The following CNTNAP4 variants were observed in gnomAD, a reference collection of about 807,000 sequenced individuals.
CNTNAP4 encodes contactin associated protein family member 4.
Under a neutral mutation model 148.4 loss-of-function variants are expected in CNTNAP4, and 98 were observed. The observed-to-expected ratio is 0.66, with a 90% CI of 0.56 to 0.78. CNTNAP4 has a LOEUF of 0.78. Among genes scored for constraint, CNTNAP4 ranks in the 30% least tolerant of loss-of-function variants. CNTNAP4 has a pLI of 0.00. For missense variants in CNTNAP4, 1,935 were observed against 1,565.6 expected (o/e 1.24, Z -3.98); for synonymous variants, 730 against 565.1 (o/e 1.29, Z -4.14).
intron 10 of CNTNAP4, among the ~76,000 whole-genome samples, chr16:76,470,418 A>G (rs1364816989): frequency 1.3e-5 from 2 of 149,752 alleles, no homozygotes; most frequent in Non-Finnish European, 2.9e-5. Context: ...AGACGGGTGG[A>G]TCACCTGAGG....
intron 10 of CNTNAP4, among the ~76,000 whole-genome samples, chr16:76,475,392 T>A (rs1471202927): frequency 6.6e-6 from 1 of 152,212 alleles, no homozygotes; most frequent in Non-Finnish European, 1.5e-5. Context: ...GATATTTCTC[T>A]TGAAGACTTA....
chr16:76,551,762 C>G (rs2084961511), intron 21 of CNTNAP4, among the ~76,000 whole-genome samples: 1 of 152,192 alleles, frequency 6.6e-6, no homozygotes, highest in Non-Finnish European at 1.5e-5. Flanking sequence ...AATATACACT[C>G]ATATATACTT....
intron 4 of CNTNAP4, among the ~76,000 whole-genome samples, chr16:76,434,214 A>G (rs1461200973): frequency 6.6e-6 from 1 of 151,626 alleles, no homozygotes; most frequent in Non-Finnish European, 1.5e-5. Context: ...TTTACTGAGT[A>G]TTAAGTATTA....
At chr16:76,331,211 A>G (rs1332783103) in intron 2 of CNTNAP4, among the ~76,000 whole-genome samples, 1 of 150,678 alleles carries the variant, frequency 6.6e-6, no homozygotes, top group African/African-American at 2.4e-5. Context: ...TTTTTTAGAC[A>G]GAGTCTCGCT....
chr16:76,408,007 C>A (rs897957096), intron 3 of CNTNAP4, among the ~76,000 whole-genome samples: 1 of 151,952 alleles, frequency 6.6e-6, no homozygotes, highest in Non-Finnish European at 1.5e-5. Context: ...GAGGCAAGAA[C>A]CTCTACCAGG....
chr16:76,449,683 A>G (rs545730614), intron 6 of CNTNAP4, 32 bp from the exon 7 acceptor site: 1 of 1,516,008 alleles, frequency 6.6e-7, no homozygotes, highest in African/African-American at 1.4e-5. Context: ...AAATCACTAA[A>G]CAATATTATT....
intron 18 of CNTNAP4, among the ~76,000 whole-genome samples, chr16:76,537,090 G>T (rs766796866): frequency 2.0e-5 from 3 of 151,998 alleles, no homozygotes; most frequent in Non-Finnish European, 4.4e-5. Context: ...ACCATTCTAG[G>T]ACACTTTTCA....
At chr16:76,525,986 T>C (rs146588571) in intron 17 of CNTNAP4, among the ~76,000 whole-genome samples, 1 of 151,994 alleles carries the variant, frequency 6.6e-6, no homozygotes, top group East Asian at 1.9e-4. Flanking sequence ...CATGTATGCA[T>C]GCATGTGTGT....
At chr16:76,501,769 C>T (rs531976445) in intron 15 of CNTNAP4, among the ~76,000 whole-genome samples, 2 of 152,256 alleles carry the variant, frequency 1.3e-5, no homozygotes, top group Admixed American at 1.3e-4. Context: ...GGAGCTACTA[C>T]ATTAGCACTA....
At chr16:76,334,204 A>T (rs949913231) in intron 2 of CNTNAP4, among the ~76,000 whole-genome samples, 20 of 149,922 alleles carry the variant, frequency 1.3e-4, no homozygotes, top group African/African-American at 4.6e-4. Context: ...AATAATAATA[A>T]ACAGCCTATT....
chr16:76,287,897 T>C (rs1440192693), intron 1 of CNTNAP4, among the ~76,000 whole-genome samples: 1 of 152,238 alleles, frequency 6.6e-6, no homozygotes, highest in African/African-American at 2.4e-5. Context: ...TATATTTCAT[T>C]GTTAGGCACA....
chr16:76,356,792 C>T (rs1035498583), intron 3 of CNTNAP4, among the ~76,000 whole-genome samples: 1 of 151,998 alleles, frequency 6.6e-6, no homozygotes, highest in Non-Finnish European at 1.5e-5. Flanking sequence ...TTTGAAACTT[C>T]ATAGAACTCC....
intron 3 of CNTNAP4, among the ~76,000 whole-genome samples, chr16:76,405,033 A>AAAG (rs148398402): frequency 0.035 from 5,361 of 152,214 alleles, 306 homozygotes; most frequent in African/African-American, 0.12. Context: ...TAAATTCAAA[A>AAAG]AACTTATGAC....
intron 9 of CNTNAP4, among the ~76,000 whole-genome samples, chr16:76,463,907 A>T (rs2081078686): frequency 6.6e-6 from 1 of 152,064 alleles, no homozygotes; most frequent in African/African-American, 2.4e-5. Context: ...GGGCTTTCTT[A>T]AAAAAAATTA....
In CNTNAP4 at chr16:76,462,012, C is replaced by A. The variant is rs2080987195; in HGVS notation, c.1390C>A (p.His464Asn). The A allele has an allele frequency of 6.2e-7, 1 of 1,613,800 alleles. No homozygotes were observed. Among genetic ancestry groups the A allele is most frequent in the Admixed American group, 1.7e-5 (1 of 60,014 alleles). The change falls in exon 9 of 24, where the codon CAC (histidine) becomes AAC (asparagine). Residue 464 changes from histidine (H) to asparagine (N), a missense_variant. By Grantham distance (68) the His-to-Asn change is moderately conservative. Coordinates refer to ENST00000611870, the MANE Select transcript of CNTNAP4 (RefSeq NM_033401.5). ...HSVSLSAKKN[H>N]LSVAVDGQMA... The stretch of plus-strand genomic sequence containing the variant: ...TGTCTCTTTATCTGCTAAAAAGAAT[C>A]ACTTGAGTGTGGCGGTGGACGGCCA...
intron 3 of CNTNAP4, among the ~76,000 whole-genome samples, chr16:76,382,753 A>G (rs988079623): frequency 2.6e-5 from 4 of 152,184 alleles, no homozygotes; most frequent in Admixed American, 1.3e-4. Flanking sequence ...GAGGGCACTA[A>G]ATACCACTTT....
rs1192288764 is a variant in CNTNAP4, at chr16:76,284,632, G to A, written c.85+6885G>A. 3.3e-5 allele frequency among the ~76,000 whole-genome samples: 5 copies of A among 151,896 alleles called. No homozygotes were observed. In the East Asian group the frequency reaches 9.6e-4, roughly 29 times the overall value. On this transcript the variant is annotated intron_variant, in intron 1 of 23. Transcript: ENST00000611870. ...AATTGTATCTCTAAATAACAAAAATGTCATTGACTGTTGAATTGTCTTCTT... is the reference window on the plus strand; with the variant it reads ...AATTGTATCTCTAAATAACAAAAATATCATTGACTGTTGAATTGTCTTCTT...
intron 3 of CNTNAP4, among the ~76,000 whole-genome samples, chr16:76,388,855 G>T (rs536799470): frequency 6.6e-6 from 1 of 152,150 alleles, no homozygotes; most frequent in African/African-American, 2.4e-5. Context: ...GTACAAGTCT[G>T]TCCCAACATG....
In CNTNAP4 at chr16:76,304,429, C is replaced by T. The variant is rs371051522; in HGVS notation, c.86-11984C>T. Among the ~76,000 whole-genome samples, 94 of 152,078 alleles carry T rather than the reference C, an allele frequency of 6.2e-4. No individual in the cohort carries two copies. The South Asian group carries it at 6.9e-3, about 11-fold the overall frequency. On this transcript the variant is annotated intron_variant, in intron 1 of 23. Coordinates refer to ENST00000611870, the MANE Select transcript of CNTNAP4 (RefSeq NM_033401.5). Reference sequence around the variant, plus strand: ...CTGTTCAAGTTAAGGAAGAATTTCCCGGTAGGATGGGAGGGTTGAGGGCTC... The same window carrying T: ...CTGTTCAAGTTAAGGAAGAATTTCCTGGTAGGATGGGAGGGTTGAGGGCTC...
Sources: allele counts gnomAD v4.1 joint callset (sites outside exome capture counted in the v4.1 genomes callset), GRCh38; gene constraint gnomAD v4.1.1; transcripts MANE v1.5; gene names NCBI Gene and HGNC (gene_info 2026-07-23, HGNC 2026-07-21).